Variants in GLYATL2 observed in about 807,000 individuals in gnomAD.
GLYATL2 encodes the protein glycine-N-acyltransferase like 2.
A neutral mutation model predicts 21.4 loss-of-function variants in GLYATL2; 25 were observed. The observed-to-expected ratio is 1.17, with a 90% CI of 0.85 to 1.63. The LOEUF (loss-of-function observed/expected upper bound fraction) is 1.63. Among genes scored for constraint, GLYATL2 ranks in the 40% most tolerant of loss-of-function variants. The probability of loss-of-function intolerance (pLI) is 0.00; values close to 1 mark genes in which losing one functional copy is unlikely to be tolerated. For synonymous variants in GLYATL2, 114 were observed against 118.2 expected (o/e 0.96, Z 0.23); for missense variants, 361 against 343.3 (o/e 1.05, Z -0.41).
chr11:58,873,538 G>T lies in GLYATL2; in HGVS notation n.60+30618C>A, dbSNP rs919404883. Among the ~76,000 whole-genome samples the T allele has an allele frequency of 5.7e-4, 87 of 152,168 alleles. 1 individual carries two copies. The highest frequency in any genetic ancestry group is 1.7e-3 in the African/African-American group (72 of 41,434). ...CAAAGGCCTTTTCTGCATCTATTGA[G>T]ATAATCATGTGATTTTTGTCTTTGG... On this transcript the variant is annotated intron_variant and non_coding_transcript_variant, in intron 1 of 4. Coordinates refer to the GLYATL2 transcript ENST00000533636.
At chr11:58,907,177 A>C (rs1854914284), upstream of GLYATL2, 2 of 450,296 alleles carry the variant, frequency 4.4e-6, no homozygotes, top group Admixed American at 4.7e-5. Flanking sequence ...ACACAGTTGA[A>C]TACTTTAGGG....
intron 1 of GLYATL2, among the ~76,000 whole-genome samples, chr11:58,843,442 TAC>T (rs1381677027): frequency 3.3e-5 from 5 of 152,148 alleles, no homozygotes; most frequent in Admixed American, 6.5e-5. Flanking sequence ...TTGGAAGTGT[TAC>T]TCAACAATAT....
intron 1 of GLYATL2, among the ~76,000 whole-genome samples, chr11:58,863,190 C>G (rs912999222): frequency 5.3e-5 from 8 of 152,270 alleles, no homozygotes; most frequent in African/African-American, 1.9e-4. Context: ...CAGCCTGTAC[C>G]AATAGGGGCT....
At chr11:58,869,230 G>A (rs1057090576) in intron 1 of GLYATL2, among the ~76,000 whole-genome samples, 2 of 152,164 alleles carry the variant, frequency 1.3e-5, no homozygotes, top group East Asian at 1.9e-4. Context: ...ATTAGAATTT[G>A]ATAAACCGAT....
intron 1 of GLYATL2, among the ~76,000 whole-genome samples, chr11:58,871,270 AT>A (rs1435455923): frequency 6.6e-6 from 1 of 151,114 alleles, no homozygotes; most frequent in Non-Finnish European, 1.5e-5. Flanking sequence ...ATTTTATTTT[AT>A]TTTATTTATT....
upstream of GLYATL2, among the ~76,000 whole-genome samples, chr11:58,849,198 A>G (rs1175782389): frequency 6.6e-6 from 1 of 152,228 alleles, no homozygotes; most frequent in African/African-American, 2.4e-5. Flanking sequence ...AGAACAGAAC[A>G]TTGAGAAAGA....
chr11:58,849,878 A>T (rs1853709144), intron 1 of GLYATL2, among the ~76,000 whole-genome samples: 1 of 152,150 alleles, frequency 6.6e-6, no homozygotes, highest in Admixed American at 6.5e-5. Context: ...TAGCTCGCTT[A>T]TACCTATGGA....
Position 58,871,810 on chromosome 11 carries a change from G to A in GLYATL2, n.60+32346C>T, listed in dbSNP as rs145793065. ...TTGGGTATATACCCAGTAATGGGATGGCTGGGTCAATTGGTATTTCTAGTT... is the reference window on the plus strand; with the variant it reads ...TTGGGTATATACCCAGTAATGGGATAGCTGGGTCAATTGGTATTTCTAGTT... On this transcript the variant is annotated intron_variant and non_coding_transcript_variant, in intron 1 of 4. Transcript: ENST00000533636. Among the ~76,000 whole-genome samples the A allele has an allele frequency of 5.4e-3, 815 of 152,272 alleles. 9 individuals carry two copies. Among genetic ancestry groups the A allele is most frequent in the African/African-American group, 0.019 (785 of 41,554 alleles).
chr11:58,839,628 A>G lies in GLYATL2; in HGVS notation c.-16T>C, dbSNP rs1488847191. On this transcript the variant is annotated 5_prime_UTR_variant, in exon 2 of 6. Transcript: ENST00000287275. Reference sequence around the variant, plus strand: ...GCACAAGCATCTTATGTAGCACTTCAGCTTCTTTCCCTCAAGAAGATGATC... The same window carrying G: ...GCACAAGCATCTTATGTAGCACTTCGGCTTCTTTCCCTCAAGAAGATGATC... The G allele has an allele frequency of 5.0e-6, 8 of 1,589,244 alleles. No individual in the cohort carries two copies. Among genetic ancestry groups the G allele is most frequent in the Middle Eastern group, 1.7e-4 (1 of 5,984 alleles).
chr11:58,889,669 A>G (rs1373340188), intron 1 of GLYATL2, among the ~76,000 whole-genome samples: 1 of 151,972 alleles, frequency 6.6e-6, no homozygotes, highest in Non-Finnish European at 1.5e-5. Context: ...AATTTATTAC[A>G]CTAAAAGATC....
intron 5 of GLYATL2, 111 bp from the exon 6 acceptor site, chr11:58,834,948 A>T (rs1335433815): frequency 5.4e-6 from 4 of 738,788 alleles, no homozygotes; most frequent in Non-Finnish European, 8.7e-6. Flanking sequence ...AGCCTGGAGG[A>T]GGCAATAGAT....
intron 1 of GLYATL2, among the ~76,000 whole-genome samples, chr11:58,856,108 T>C (rs1853823584): frequency 6.6e-6 from 1 of 151,992 alleles, no homozygotes; most frequent in Admixed American, 6.6e-5. Context: ...CATTCCAGCC[T>C]GAGCAACAGA....
intron 1 of GLYATL2, among the ~76,000 whole-genome samples, chr11:58,843,083 T>C (rs1853582129): frequency 6.6e-6 from 1 of 152,184 alleles, no homozygotes; most frequent in Non-Finnish European, 1.5e-5. Flanking sequence ...TTTTGTTATA[T>C]GTTGTTTCAT....
intron 1 of GLYATL2, among the ~76,000 whole-genome samples, chr11:58,855,843 G>T (rs549335491): frequency 6.6e-6 from 1 of 152,172 alleles, no homozygotes; most frequent in African/African-American, 2.4e-5. Context: ...ATGAAAATGG[G>T]CCAGGTGTGG....
Position 58,834,132 on chromosome 11 carries a change from T to C in GLYATL2, c.*297A>G, listed in dbSNP as rs1853380998. The C allele has an allele frequency of 4.4e-6, 1 of 228,214 alleles. No homozygotes were observed. The highest frequency in any genetic ancestry group is 1.8e-4 in the South Asian group (1 of 5,586). 14.1% of individuals were successfully genotyped at this position (228,214 alleles called of 1,614,324 possible). A position where few individuals can be genotyped will look rare whatever the true frequency, so the allele number is the denominator to read the frequency against. The stretch of plus-strand genomic sequence containing the variant: ...GTGAATTTTTTCATGAAAGAAATAG[T>C]CTTCATTTAAGAAAGTGTTGCCGTT... On this transcript the variant is annotated 3_prime_UTR_variant, in exon 6 of 6. Coordinates refer to ENST00000287275, the MANE Select transcript of GLYATL2 (RefSeq NM_145016.4).
chr11:58,837,218 A>C lies in GLYATL2; in HGVS notation c.314-41T>G, dbSNP rs1259398478. The C allele has an allele frequency of 2.5e-6, 4 of 1,612,726 alleles. No individual in the cohort carries two copies. In the Admixed American group the frequency reaches 6.7e-5, roughly 27 times the overall value. ...AGACAAGTACCACTTTATGCCTTCC[A>C]TATCGGCTAGGAATAAACCATGGAT... On this transcript the variant is annotated intron_variant, in intron 4 of 5. Coordinates refer to ENST00000287275, the MANE Select transcript of GLYATL2 (RefSeq NM_145016.4).
intron 1 of GLYATL2, among the ~76,000 whole-genome samples, chr11:58,899,565 A>G (rs1854697754): frequency 6.6e-6 from 1 of 152,124 alleles, no homozygotes; most frequent in African/African-American, 2.4e-5. Context: ...AAAGGAGAGG[A>G]AACAGGAAGG....
At position 58,836,559 on chromosome 11, in the gene GLYATL2, G is replaced by T. The variant is rs555821597; in HGVS notation, c.476+456C>A. 1.6e-4 allele frequency among the ~76,000 whole-genome samples: 23 copies of T among 142,856 alleles called. No homozygotes were observed. In the South Asian group the frequency reaches 5.3e-3, roughly 33 times the overall value. 93.7% of individuals were successfully genotyped at this position (142,856 alleles called of 152,430 possible). On this transcript the variant is annotated intron_variant, in intron 5 of 5. Transcript: ENST00000287275. ...TATGATGATATTCATTGCAGAAGTT[G>T]CAGTAAAGTGTGTATGTGTTGTAAA...
intron 1 of GLYATL2, among the ~76,000 whole-genome samples, chr11:58,852,517 T>A (rs1399657075): frequency 6.6e-6 from 1 of 152,208 alleles, no homozygotes; most frequent in Non-Finnish European, 1.5e-5. Flanking sequence ...TCACAACAAC[T>A]CTATGAGGTA....
Sources: allele counts gnomAD v4.1 joint callset (sites outside exome capture counted in the v4.1 genomes callset), GRCh38; gene constraint gnomAD v4.1.1; transcripts MANE v1.5; gene names NCBI Gene and HGNC (gene_info 2026-07-23, HGNC 2026-07-21).